OR6J1: variants seen among roughly 807,000 people sequenced by gnomAD.
OR6J1 encodes olfactory receptor family 6 subfamily J member 1, also known as olfactory receptor 6J1.
For missense variants in OR6J1, 304 were observed against 166.8 expected, an observed-to-expected ratio of 1.82 and a Z score of -4.53; for synonymous variants, 109 against 70.0, an observed-to-expected ratio of 1.56 and a Z score of -2.78.
chr14:22,637,864 G>A lies in OR6J1; in HGVS notation c.-27-3026C>T, dbSNP rs1424147958. ...CGCCCCGTCCGGGAGGGAGGCGGGG[G>A]GGGTGGGGTCGGCCAGCCGCCCTGT... is the stretch of plus-strand genomic sequence containing the variant. On this transcript the variant is annotated intron_variant, in intron 1 of 1. Coordinates refer to ENST00000540461, the MANE Select transcript of OR6J1 (RefSeq NM_001348233.2). Among the ~76,000 whole-genome samples the A allele has an allele frequency of 5.4e-5, 2 of 37,164 alleles. 1 individual carries two copies. The highest frequency in any genetic ancestry group is 1.8e-3 in the South Asian group (2 of 1,102). The allele number at this position is 37,164 out of a possible 152,430, so 24.4% of individuals were successfully genotyped here. A position where few individuals can be genotyped will look rare whatever the true frequency, so the allele number is the denominator to read the frequency against.
At position 22,634,714 on chromosome 14, in the gene OR6J1, G is replaced by A. The variant is rs530743522; in HGVS notation, c.98C>T (p.Thr33Met). The change falls in exon 2 of 2, where the codon ACG becomes ATG. Residue 33 changes from threonine (T) to methionine (M), a missense_variant. Transcript: ENST00000540461. ...ELLLLVLLLP[T>M]FLLTLLGNLL... Reference sequence around the variant, plus strand: ...GTTCCCCAGAAGAGTCAGCAGGAACGTGGGCAGCAGGAGCACCAGGAGCAG... The same window carrying A: ...GTTCCCCAGAAGAGTCAGCAGGAACATGGGCAGCAGGAGCACCAGGAGCAG... The A allele has an allele frequency of 1.7e-5, 12 of 716,956 alleles. No individual in the cohort carries two copies. Among genetic ancestry groups the A allele is most frequent in the East Asian group, 5.2e-5 (2 of 38,316 alleles). The allele number at this position is 716,956 out of a possible 1,614,324, so 44.4% of individuals were successfully genotyped here.
chr14:22,642,993 G>A (rs1213734912), intron 1 of OR6J1, among the ~76,000 whole-genome samples: 1 of 150,276 alleles, frequency 6.7e-6, no homozygotes, highest in African/African-American at 2.5e-5. Flanking sequence ...TTGAGATGGA[G>A]TTTTACTCTT....
At chr14:22,641,500 G>GAAGAAAGA (rs2037652194) in intron 1 of OR6J1, among the ~76,000 whole-genome samples, 1 of 132,940 alleles carries the variant, frequency 7.5e-6, no homozygotes, top group Non-Finnish European at 1.6e-5. Flanking sequence ...AGGAGGGAGG[G>GAAGAAAGA]AGGAAAGAAA....
chr14:22,640,248 A>AGGAAGGAC (rs2037634350), intron 1 of OR6J1, among the ~76,000 whole-genome samples: 18 of 101,434 alleles, frequency 1.8e-4, no homozygotes, highest in African/African-American at 7.3e-4. Context: ...GATGGAAGGA[A>AGGAAGGAC]GGAAGGAAGC....
Position 22,634,143 on chromosome 14 carries a change from G to T in OR6J1, c.669C>A (p.Thr223=). The T allele has an allele frequency of 1.4e-6, 1 of 703,380 alleles. No individual in the cohort carries two copies. The highest frequency in any genetic ancestry group is 2.6e-6 in the Non-Finnish European group (1 of 384,972). 43.6% of individuals were successfully genotyped at this position (703,380 alleles called of 1,614,324 possible). Reference sequence around the variant, plus strand: ...CACTTGCAGAAGGAATGCGCACTATGGTCAAGATGATGTACGTATAGGAAT... The same window carrying T: ...CACTTGCAGAAGGAATGCGCACTATTGTCAAGATGATGTACGTATAGGAAT... ...VAYSYTYIIL[T]IVRIPSASGR... The change falls in exon 2 of 2, where the codon ACC becomes ACA. Residue 223 remains threonine, a synonymous_variant. Transcript: ENST00000540461.
At chr14:22,641,425 A>AG (rs1566397870) in intron 1 of OR6J1, among the ~76,000 whole-genome samples, 21 of 121,726 alleles carry the variant, frequency 1.7e-4, no homozygotes, top group African/African-American at 3.6e-4. Context: ...AAGGAAGAGA[A>AG]AGAAAGAAAG....
intron 1 of OR6J1, among the ~76,000 whole-genome samples, chr14:22,641,449 GAAAGAA>G (rs1247976310): frequency 0.23 from 14,578 of 63,854 alleles, 2,932 homozygotes; most frequent in African/African-American, 0.52. Context: ...GAAAGAGAGA[GAAAGAA>G]AGAAAGAAAG....
intron 1 of OR6J1, among the ~76,000 whole-genome samples, chr14:22,637,705 G>C (rs1447680823): frequency 1.2e-5 from 1 of 81,216 alleles, no homozygotes; most frequent in East Asian, 3.1e-4. Flanking sequence ...CCCCCCGCCC[G>C]ACCAGCCGCC....
At chr14:22,641,210 T>TAGAAAGAAAGA (rs1555310963) in intron 1 of OR6J1, among the ~76,000 whole-genome samples, 1 of 122,480 alleles carries the variant, frequency 8.2e-6, no homozygotes, top group African/African-American at 3.1e-5. Flanking sequence ...GAGAGAAAGA[T>TAGAAAGAAAGA]AAGAAAGAAA....
chr14:22,634,857 A>T lies in OR6J1; in HGVS notation c.-27-19T>A, dbSNP rs2037573276. ...AATTCTCCTAACAGAACAAAGGGAG[A>T]TAACACTTAAGAGAGTGTTCAGTGG... On this transcript the variant is annotated intron_variant, in intron 1 of 1. Transcript: ENST00000540461. The T allele has an allele frequency of 1.3e-5, 8 of 631,554 alleles. No individual in the cohort carries two copies. Among genetic ancestry groups the T allele is most frequent in the Non-Finnish European group, 5.7e-6 (2 of 352,628 alleles). 39.1% of individuals were successfully genotyped at this position (631,554 alleles called of 1,614,324 possible).
intron 1 of OR6J1, among the ~76,000 whole-genome samples, chr14:22,637,569 C>T (rs1384018853): frequency 2.2e-5 from 1 of 44,566 alleles, no homozygotes; most frequent in Admixed American, 1.4e-4. Context: ...CCAGCCGCCC[C>T]GTCCGGGAGG....
At position 22,633,347 on chromosome 14, in the gene OR6J1, T is replaced by C. The variant is rs2037559866; in HGVS notation, c.*421A>G. 6.3e-6 allele frequency: 1 copy of C among 157,486 alleles called. No individual in the cohort carries two copies. Among genetic ancestry groups the C allele is most frequent in the African/African-American group, 2.6e-5 (1 of 38,756 alleles). The allele number at this position is 157,486 out of a possible 1,614,324, so 9.8% of individuals were successfully genotyped here. On this transcript the variant is annotated 3_prime_UTR_variant, in exon 2 of 2. Transcript: ENST00000540461. ...CCCGAAAAAAAAATGGATATGATAGTGGATTAGAGAATAATGAAGGTTATT... is the reference window on the plus strand; with the variant it reads ...CCCGAAAAAAAAATGGATATGATAGCGGATTAGAGAATAATGAAGGTTATT...
At chr14:22,640,675 G>A (rs985814220) in intron 1 of OR6J1, among the ~76,000 whole-genome samples, 1 of 150,738 alleles carries the variant, frequency 6.6e-6, no homozygotes, top group Non-Finnish European at 1.5e-5. Flanking sequence ...TGTTGCAAAA[G>A]TAATTGCGGT....
intron 1 of OR6J1, among the ~76,000 whole-genome samples, chr14:22,639,293 C>T (rs2037623668): frequency 1.6e-5 from 2 of 127,766 alleles, no homozygotes; most frequent in Non-Finnish European, 3.2e-5. Context: ...GGCGCCTCTG[C>T]CCGGCCGCCC....
rs796285257 is a variant in OR6J1, at chr14:22,640,313, GGAGGAGAGGA to G, written c.-28+3775_-28+3784del. On this transcript the variant is annotated intron_variant, in intron 1 of 1. Coordinates refer to ENST00000540461, the MANE Select transcript of OR6J1 (RefSeq NM_001348233.2). ...AAGGGGGAAGGGAGGGGAGGAGAGG[GGAGGAGAGGA>G]GAGGAGGGTAGAGGGGATGGGAGGA... 1.2e-3 allele frequency among the ~76,000 whole-genome samples: 81 copies of G among 69,088 alleles called. 1 individual carries two copies. In the East Asian group the frequency reaches 0.039, roughly 34 times the overall value. 45.3% of individuals were successfully genotyped at this position (69,088 alleles called of 152,430 possible).
intron 1 of OR6J1, 77 bp from the exon 2 acceptor site, chr14:22,634,915 T>C (rs2037573646): frequency 1.2e-5 from 7 of 590,714 alleles, no homozygotes; most frequent in Admixed American, 9.1e-5. Context: ...TAGAAAAATA[T>C]GAACATAGAA....
intron 1 of OR6J1, among the ~76,000 whole-genome samples, chr14:22,642,047 T>C (rs3118892): frequency 0.028 from 4,205 of 152,054 alleles, 68 homozygotes; most frequent in Non-Finnish European, 0.041. Flanking sequence ...TGAGTTGACC[T>C]CTGCCCATCT....
chr14:22,641,806 C>T (rs980012468), intron 1 of OR6J1, among the ~76,000 whole-genome samples: 2 of 152,042 alleles, frequency 1.3e-5, no homozygotes, highest in Non-Finnish European at 2.9e-5. Flanking sequence ...AATTAAGGGA[C>T]GGCAAAGTTT....
Position 22,632,052 on chromosome 14 carries a change from A to G in OR6J1, c.*1716T>C, listed in dbSNP as rs1298951843. 1 of 152,288 alleles carries G rather than the reference A, an allele frequency of 6.6e-6. No homozygotes were observed. The highest frequency in any genetic ancestry group is 6.5e-5 in the Admixed American group (1 of 15,272). The allele number at this position is 152,288 out of a possible 1,614,324, so 9.4% of individuals were successfully genotyped here. ...CTCTGCAGCAGTTCCTTAGGTATGCATGTGTCCTTCTGACCAGTTCCACGC... is the reference window on the plus strand; with the variant it reads ...CTCTGCAGCAGTTCCTTAGGTATGCGTGTGTCCTTCTGACCAGTTCCACGC... On this transcript the variant is annotated 3_prime_UTR_variant, in exon 2 of 2. Coordinates refer to ENST00000540461, the MANE Select transcript of OR6J1 (RefSeq NM_001348233.2).
Sources: allele counts gnomAD v4.1 joint callset (sites outside exome capture counted in the v4.1 genomes callset), GRCh38; gene constraint gnomAD v4.1.1; transcripts MANE v1.5; gene names NCBI Gene and HGNC (gene_info 2026-07-23, HGNC 2026-07-21).